Variants in TRIM54 observed in about 807,000 individuals in gnomAD.
The protein encoded by TRIM54 is tripartite motif-containing protein 54.
Under a neutral mutation model 42.0 loss-of-function variants are expected in TRIM54, and 40 were observed. That is an observed-to-expected ratio of 0.95 (90% CI 0.74 to 1.24). The LOEUF is 1.24. Among genes scored for constraint, TRIM54 ranks in the 50% most tolerant of loss-of-function variants. The pLI is 0.00. For missense variants in TRIM54, 485 were observed against 480.3 expected (o/e 1.01, Z -0.09); for synonymous variants, 199 against 194.9 (o/e 1.02, Z -0.17).
At position 27,306,823 on chromosome 2, in the gene TRIM54, CG is replaced by C; in HGVS notation, c.*2-60del. On this transcript the variant is annotated intron_variant, in intron 8 of 8. Transcript: ENST00000380075. This position sits in a 1 kb window ranked among gnomAD's most constrained non-coding sequence, Gnocchi z 6.1. ...CCCACGTGGCGGGGGACGGAGTGAG[CG>C]GGGCTCGAGCTGCCTCGTGCCTTCG... 1 of 513,258 alleles carries C rather than the reference CG, an allele frequency of 1.9e-6. No individual in the cohort carries two copies. Among genetic ancestry groups the C allele is most frequent in the South Asian group, 2.6e-5 (1 of 37,848 alleles). The allele number at this position is 513,258 out of a possible 1,614,324, so 31.8% of individuals were successfully genotyped here.
intron 3 of TRIM54, among the ~76,000 whole-genome samples, chr2:27,303,192 A>AT (rs1429580494): frequency 6.6e-6 from 1 of 152,156 alleles, no homozygotes; most frequent in African/African-American, 2.4e-5. Context: ...CAGTGCTGGC[A>AT]ATGTCACTGA....
At chr2:27,293,987 C>T (rs987776720) in intron 1 of TRIM54, among the ~76,000 whole-genome samples, 2 of 152,076 alleles carry the variant, frequency 1.3e-5, no homozygotes, top group Admixed American at 6.5e-5. Context: ...CCTGCCACTG[C>T]ACTCCAGCCC....
intron 1 of TRIM54, among the ~76,000 whole-genome samples, chr2:27,286,559 C>T (rs538510273): frequency 1.6e-4 from 25 of 152,332 alleles, no homozygotes; most frequent in Non-Finnish European, 3.1e-4. Flanking sequence ...TCTATTCACT[C>T]CTAAACGGCT....
At chr2:27,304,724 G>A (rs1301481588) in intron 3 of TRIM54, 1 of 443,686 alleles carries the variant, frequency 2.3e-6, no homozygotes, top group East Asian at 3.2e-5. Flanking sequence ...TGGATGTTTG[G>A]AGACTGTCTG....
In TRIM54 at chr2:27,299,353, G is replaced by A; in HGVS notation, c.450G>A (p.Lys150=). 6.2e-7 allele frequency: 1 copy of A among 1,614,146 alleles called. No individual in the cohort carries two copies. Among genetic ancestry groups the A allele is most frequent in the Middle Eastern group, 1.6e-4 (1 of 6,062 alleles). Residue 150 remains lysine, a synonymous_variant, in exon 3 of 9, where the codon AAG becomes AAA. Transcript: ENST00000380075. ...AGGTGCCCACCTGCTCTCTCTGCAA[G>A]GTCTTCGGTGCCCACAAGGACTGTG... is the stretch of plus-strand genomic sequence containing the variant. ...SCEVPTCSLC[K]VFGAHKDCEV... is the part of the protein sequence containing the mutation.
chr2:27,283,782 G>GCA (rs1294495519), intron 1 of TRIM54, among the ~76,000 whole-genome samples: 5,795 of 86,226 alleles, frequency 0.067, 205 homozygotes, highest in African/African-American at 0.14. Flanking sequence ...ACACACACGC[G>GCA]CGCACACACA....
Position 27,299,872 on chromosome 2 carries a change from T to C in TRIM54, c.513+456T>C, listed in dbSNP as rs915980607. On this transcript the variant is annotated intron_variant, in intron 3 of 8. Coordinates refer to ENST00000380075, the MANE Select transcript of TRIM54 (RefSeq NM_187841.3). ...AGGCATGTGCCACCACACCCAGCTT[T>C]TTTGTTTTTTGGTTTTTTTTTGACT... 2.7e-5 allele frequency among the ~76,000 whole-genome samples: 4 copies of C among 149,320 alleles called. No homozygotes were observed. The East Asian group carries it at 7.9e-4, about 30-fold the overall frequency.
chr2:27,287,211 C>A (rs572061906), intron 1 of TRIM54, among the ~76,000 whole-genome samples: 10 of 151,962 alleles, frequency 6.6e-5, no homozygotes, highest in East Asian at 1.9e-4. Context: ...TTCTTTCTTT[C>A]TTTATTTTTG....
At chr2:27,293,535 G>A (rs151139937) in intron 1 of TRIM54, among the ~76,000 whole-genome samples, 80 of 152,230 alleles carry the variant, frequency 5.3e-4, no homozygotes, top group Middle Eastern at 3.4e-3. Flanking sequence ...GGTCATTCTG[G>A]TTGAAAGCAG....
At chr2:27,294,534 T>A (rs1678811008) in intron 1 of TRIM54, among the ~76,000 whole-genome samples, 1 of 152,162 alleles carries the variant, frequency 6.6e-6, no homozygotes, top group Non-Finnish European at 1.5e-5. Flanking sequence ...CTCATGACCG[T>A]GTACAATTTA....
intron 1 of TRIM54, among the ~76,000 whole-genome samples, chr2:27,290,064 G>T (rs1572519668): frequency 6.6e-6 from 1 of 151,274 alleles, no homozygotes; most frequent in East Asian, 2.0e-4. Flanking sequence ...TAGAGACAGG[G>T]TCTCATCATG....
chr2:27,298,090 G>A (rs1449758007), intron 1 of TRIM54, among the ~76,000 whole-genome samples: 1 of 151,630 alleles, frequency 6.6e-6, no homozygotes, highest in Non-Finnish European at 1.5e-5. Context: ...TACCTGGCTA[G>A]TTACAGTTTG....
rs369827511 is a variant in TRIM54 at position 27,306,456 on chromosome 2, G to T, written c.992G>T (p.Gly331Val). 6.9e-5 allele frequency: 111 copies of T among 1,599,098 alleles called. No individual in the cohort carries two copies. Among genetic ancestry groups the T allele is most frequent in the Middle Eastern group, 6.7e-4 (4 of 6,006 alleles). ...CTCACCAGGCCTTCCTTGGGCTCAG[G>T]CGCTTCCGGGGAGGAAGAGGAGGTG... is the stretch of plus-strand genomic sequence containing the variant. ...EMLRTIDFQP[G>V]ASGEEEEVAP... The change falls in exon 8 of 9, where the codon GGC becomes GTC. Residue 331 changes from glycine to valine, a missense_variant and splice_region_variant. By Grantham distance (109) the Gly-to-Val change is moderately radical (BLOSUM62 -3). Coordinates refer to ENST00000380075, the MANE Select transcript of TRIM54 (RefSeq NM_187841.3). This position sits in a 1 kb window ranked among gnomAD's most constrained non-coding sequence, Gnocchi z 6.1.
rs112702645 is a variant in TRIM54, at chr2:27,299,675, C to CCTATCTATCTAT, written c.513+289_513+300dup. Reference sequence around the variant, plus strand: ...ATAGATGTGAGCCACCGCACTCAGCCCTATCTATCTATCTATCTATCTATC... The same window carrying CCTATCTATCTAT: ...ATAGATGTGAGCCACCGCACTCAGCCCTATCTATCTATCTATCTATCTATCTATCTATCTATC... On this transcript the variant is annotated intron_variant, in intron 3 of 8. Transcript: ENST00000380075. The CCTATCTATCTAT allele has an allele frequency of 3.5e-3, 2,047 of 579,664 alleles. 15 individuals are homozygous for CCTATCTATCTAT. The highest frequency in any genetic ancestry group is 7.0e-3 in the African/African-American group (353 of 50,432). The allele number at this position is 579,664 out of a possible 1,614,324, so 35.9% of individuals were successfully genotyped here.
chr2:27,305,708 GC>G lies in TRIM54; in HGVS notation c.735del (p.Val246SerfsTer41). 1 of 1,612,414 alleles carries G rather than the reference GC, an allele frequency of 6.2e-7. No homozygotes were observed. The highest frequency in any genetic ancestry group is 1.1e-5 in the South Asian group (1 of 90,714). On this transcript the variant is annotated frameshift_variant, in exon 5 of 9. Transcript: ENST00000380075. LOFTEE classifies it high-confidence loss of function. ...LAREQEEKLQRVRGLIRQYGD... is the reference protein window; with the variant it reads ...LAREQEEKLQXVRGLIRQYGD... ...CGGGAGCAAGAGGAGAAGCTGCAGC[GC>G]GTCCGCGGCCTCATCCGTCAGTATG...
intron 3 of TRIM54, among the ~76,000 whole-genome samples, chr2:27,303,003 T>G (rs931015880): frequency 1.3e-5 from 2 of 152,154 alleles, no homozygotes; most frequent in African/African-American, 2.4e-5. Flanking sequence ...GTGAGATACT[T>G]GCAGGGTCCT....
In TRIM54 at chr2:27,307,116, A is replaced by G; in HGVS notation, c.*231A>G. On this transcript the variant is annotated 3_prime_UTR_variant, in exon 9 of 9. Coordinates refer to ENST00000380075, the MANE Select transcript of TRIM54 (RefSeq NM_187841.3). This position sits in a 1 kb window ranked among gnomAD's most constrained non-coding sequence, Gnocchi z 6.9. ...GAACCTGAGACCGTCTGGGGGGCGG[A>G]AGCCAAATGAACCCCTATTGGGCAC... 4.1e-6 allele frequency: 1 copy of G among 246,902 alleles called. No homozygotes were observed. The highest frequency in any genetic ancestry group is 7.9e-6 in the Non-Finnish European group (1 of 126,924). 15.3% of individuals were successfully genotyped at this position (246,902 alleles called of 1,614,324 possible). A position where few individuals can be genotyped will look rare whatever the true frequency, so the allele number is the denominator to read the frequency against.
rs113105927 is a variant in TRIM54, at chr2:27,299,489, C to T, written c.513+73C>T. ...ACAGGGTCTCAGTGTCAGCCTCTTA[C>T]TCCACTTATCTTTTGTTTACTTATT... On this transcript the variant is annotated intron_variant, in intron 3 of 8. Transcript: ENST00000380075. 1,261 of 1,563,890 alleles carry T rather than the reference C, an allele frequency of 8.1e-4. 7 individuals carry two copies. In the African/African-American group the frequency reaches 0.015, roughly 18 times the overall value.
At chr2:27,292,745 C>A (rs1393349034) in intron 1 of TRIM54, among the ~76,000 whole-genome samples, 2 of 152,122 alleles carry the variant, frequency 1.3e-5, no homozygotes, top group Non-Finnish European at 1.5e-5. Context: ...CAACTGGCAA[C>A]CACCATCCAT....
Sources: allele counts gnomAD v4.1 joint callset (sites outside exome capture counted in the v4.1 genomes callset), GRCh38; gene constraint gnomAD v4.1.1; non-coding constraint Gnocchi (gnomAD v3.1); transcripts MANE v1.5; gene names NCBI Gene and HGNC (gene_info 2026-07-23, HGNC 2026-07-21).